B3GLCT: variants seen among roughly 807,000 people sequenced by gnomAD.
B3GLCT encodes the protein beta 3-glucosyltransferase.
In B3GLCT, 65 loss-of-function variants were observed where a neutral mutation model predicts 63.4. That is an observed-to-expected ratio of 1.03 (90% CI 0.84 to 1.26). The LOEUF is 1.26. Ranked by LOEUF, B3GLCT falls within the 50% of genes most tolerant of loss-of-function variation. B3GLCT has a pLI of 0.00. For synonymous variants in B3GLCT, 233 were observed against 219.2 expected (o/e 1.06, Z -0.55); for missense variants, 577 against 604.8 (o/e 0.95, Z 0.48).
intron 2 of B3GLCT, among the ~76,000 whole-genome samples, chr13:31,221,030 T>A (rs1400780248): frequency 6.6e-6 from 1 of 152,252 alleles, no homozygotes; most frequent in Non-Finnish European, 1.5e-5. Flanking sequence ...GCAGGCGTTA[T>A]CATGGCGGTG....
intron 12 of B3GLCT, among the ~76,000 whole-genome samples, chr13:31,298,130 T>C (rs115003571): frequency 3.3e-4 from 51 of 152,330 alleles, no homozygotes; most frequent in African/African-American, 1.2e-3. Flanking sequence ...GCCTTTGCCT[T>C]TCTGGTGACC....
At chr13:31,318,157 A>G (rs1040356395) in intron 13 of B3GLCT, among the ~76,000 whole-genome samples, 56 of 152,222 alleles carry the variant, frequency 3.7e-4, no homozygotes, top group Non-Finnish European at 1.3e-4. Flanking sequence ...AGTGTTTTAA[A>G]TGAAGCATCT....
At chr13:31,258,981 T>A (rs555513611) in intron 6 of B3GLCT, among the ~76,000 whole-genome samples, 1 of 152,218 alleles carries the variant, frequency 6.6e-6, no homozygotes, top group Non-Finnish European at 1.5e-5. Context: ...TTTTTTCTTA[T>A]ATCAGTCTGG....
intron 6 of B3GLCT, among the ~76,000 whole-genome samples, chr13:31,250,626 C>T (rs1044363581): frequency 3.9e-5 from 6 of 152,236 alleles, no homozygotes; most frequent in Admixed American, 6.5e-5. Flanking sequence ...CCCACCACAG[C>T]GAGGCAAGGC....
intron 6 of B3GLCT, among the ~76,000 whole-genome samples, chr13:31,258,244 G>A (rs1871838970): frequency 6.6e-6 from 1 of 152,150 alleles, no homozygotes; most frequent in Non-Finnish European, 1.5e-5. Flanking sequence ...AACTCTCAAT[G>A]CCTTTCTAAA....
At chr13:31,224,724 G>T (rs1302163191) in intron 3 of B3GLCT, among the ~76,000 whole-genome samples, 2 of 152,188 alleles carry the variant, frequency 1.3e-5, no homozygotes, top group East Asian at 3.9e-4. Context: ...CTTTGTGTGT[G>T]TGTGTTTGTG....
intron 12 of B3GLCT, among the ~76,000 whole-genome samples, chr13:31,299,903 G>A (rs1405999513): frequency 1.3e-5 from 2 of 152,142 alleles, no homozygotes; most frequent in Admixed American, 1.3e-4. Flanking sequence ...TTGCCTAACT[G>A]TATGGGCAGG....
chr13:31,208,665 T>C (rs906990678), intron 1 of B3GLCT, among the ~76,000 whole-genome samples: 18 of 125,268 alleles, frequency 1.4e-4, no homozygotes, highest in African/African-American at 4.9e-4. Flanking sequence ...CCCTTAGCGC[T>C]CTTTGCTTGA....
At position 31,210,180 on chromosome 13, in the gene B3GLCT, C is replaced by G. The variant is rs142749325; in HGVS notation, c.71-4871C>G. Among the ~76,000 whole-genome samples the G allele has an allele frequency of 5.9e-3, 895 of 152,268 alleles. 10 individuals carry two copies. The highest frequency in any genetic ancestry group is 0.02 in the African/African-American group (849 of 41,546). On this transcript the variant is annotated intron_variant, in intron 1 of 14. Transcript: ENST00000343307. ...TATTTAAAGTTATCATGAAAAAGGTCTGATTTCTATTGCCTGCCCTGATTT... is the reference window on the plus strand; with the variant it reads ...TATTTAAAGTTATCATGAAAAAGGTGTGATTTCTATTGCCTGCCCTGATTT...
At chr13:31,287,082 G>A (rs1328028586) in intron 12 of B3GLCT, among the ~76,000 whole-genome samples, 1 of 152,186 alleles carries the variant, frequency 6.6e-6, no homozygotes, top group Non-Finnish European at 1.5e-5. Flanking sequence ...TGCCTTAAGA[G>A]AATTCCAAGT....
intron 12 of B3GLCT, among the ~76,000 whole-genome samples, chr13:31,317,041 G>C (rs968261074): frequency 6.6e-6 from 1 of 152,190 alleles, no homozygotes; most frequent in African/African-American, 2.4e-5. Flanking sequence ...ATTATCTGAG[G>C]ATTTCTAGGA....
At chr13:31,265,910 A>G (rs1872276649) in intron 7 of B3GLCT, among the ~76,000 whole-genome samples, 2 of 152,132 alleles carry the variant, frequency 1.3e-5, no homozygotes, top group Admixed American at 1.3e-4. Flanking sequence ...AAAGTCAGCT[A>G]GGTATTGAGT....
chr13:31,200,348 G>A (rs965316900), intron 1 of B3GLCT, among the ~76,000 whole-genome samples, 194 bp downstream of exon 1: 1 of 148,846 alleles, frequency 6.7e-6, no homozygotes, highest in African/African-American at 2.4e-5. Context: ...GGTGGGACCC[G>A]GGCCCGGGAC....
chr13:31,302,474 C>T (rs938721946), intron 12 of B3GLCT, among the ~76,000 whole-genome samples: 4 of 137,568 alleles, frequency 2.9e-5, no homozygotes, highest in Non-Finnish European at 4.7e-5. Flanking sequence ...GTGTGCGCAC[C>T]GTGCGCGAGC....
rs1868548268 is a variant in B3GLCT, at chr13:31,200,029, C to A, written c.-56C>A. ...GCGGCGGCAGCGGCGCAGCTCCGCT[C>A]CCCGCGCGTCTCCCTTCCCCGCGCC... On this transcript the variant is annotated 5_prime_UTR_variant, in exon 1 of 15. Coordinates refer to ENST00000343307, the MANE Select transcript of B3GLCT (RefSeq NM_194318.4). 2.6e-6 allele frequency: 3 copies of A among 1,168,366 alleles called. 1 individual carries two copies. 72.4% of individuals were successfully genotyped at this position (1,168,366 alleles called of 1,614,324 possible).
intron 14 of B3GLCT, among the ~76,000 whole-genome samples, chr13:31,328,512 G>T (rs1387713651): frequency 6.6e-6 from 1 of 151,744 alleles, no homozygotes; most frequent in Non-Finnish European, 1.5e-5. Flanking sequence ...TGGCTAACAT[G>T]GTGAAACCCC....
At chr13:31,214,491 T>C (rs1448448150) in intron 1 of B3GLCT, among the ~76,000 whole-genome samples, 1 of 152,184 alleles carries the variant, frequency 6.6e-6, no homozygotes, top group Non-Finnish European at 1.5e-5. Context: ...TTCCCCTCAC[T>C]CTCCCGGCCC....
intron 12 of B3GLCT, among the ~76,000 whole-genome samples, chr13:31,314,781 A>G (rs1257034837): frequency 6.6e-6 from 1 of 152,158 alleles, no homozygotes; most frequent in Non-Finnish European, 1.5e-5. Context: ...GCAGGGGTGG[A>G]ATGATATGGT....
chr13:31,258,820 A>C (rs1871872135), intron 6 of B3GLCT, among the ~76,000 whole-genome samples: 1 of 152,200 alleles, frequency 6.6e-6, no homozygotes, highest in Non-Finnish European at 1.5e-5. Flanking sequence ...CTGAGTCTAC[A>C]ACTTGATGAC....
Sources: gnomAD v4.1 joint callset for allele counts (sites outside exome capture counted in the v4.1 genomes callset) on GRCh38, gnomAD v4.1.1 for gene constraint, MANE v1.5 for transcripts, NCBI Gene and HGNC (gene_info 2026-07-23, HGNC 2026-07-21) for gene names.